The following KCTD1 variants were observed in gnomAD, a reference collection of about 807,000 sequenced individuals.
The protein encoded by KCTD1 is potassium channel tetramerization domain containing 1.
KCTD1 carries 24 observed loss-of-function variants against 66.0 expected under a neutral mutation model. The observed-to-expected ratio is 0.36, with a 90% CI of 0.26 to 0.51. KCTD1 has a LOEUF of 0.51. Among genes scored for constraint, KCTD1 ranks in the 20% least tolerant of loss-of-function variants. KCTD1 has a pLI of 0.95. For synonymous variants in KCTD1, 511 were observed against 517.2 expected, an observed-to-expected ratio of 0.99 and a Z score of 0.16; for missense variants, 943 against 1,205.2, an observed-to-expected ratio of 0.78 and a Z score of 3.22.
chr18:26,609,052 G>A (rs1987078066), intron 1 of KCTD1, among the ~76,000 whole-genome samples: 1 of 152,122 alleles, frequency 6.6e-6, no homozygotes, highest in African/African-American at 2.4e-5. Flanking sequence ...TGCAGAGGAC[G>A]ATGTCAAAAC....
intron 3 of KCTD1, among the ~76,000 whole-genome samples, chr18:26,469,940 C>CAAAT (rs1316086893): frequency 6.6e-6 from 1 of 151,572 alleles, no homozygotes; most frequent in African/African-American, 2.4e-5. Context: ...AACAAACAAA[C>CAAAT]AACAAACAAA....
chr18:26,610,883 T>C (rs76607345), intron 1 of KCTD1, among the ~76,000 whole-genome samples: 124 of 152,332 alleles, frequency 8.1e-4, no homozygotes, highest in African/African-American at 2.7e-3. Flanking sequence ...TTTTAAGATT[T>C]TCCTTGTATA....
intron 1 of KCTD1, among the ~76,000 whole-genome samples, chr18:26,563,458 C>T (rs559652812): frequency 3.5e-4 from 54 of 152,344 alleles, no homozygotes; most frequent in African/African-American, 1.1e-3. Flanking sequence ...TCTCATCCTA[C>T]CTTGACTCTT....
chr18:26,486,679 G>A (rs1981936385), intron 2 of KCTD1, among the ~76,000 whole-genome samples: 1 of 152,118 alleles, frequency 6.6e-6, no homozygotes, highest in African/African-American at 2.4e-5. Context: ...TCTCCAGGTG[G>A]CCCCGTCTCT....
chr18:26,628,601 C>G (rs540478), intron 1 of KCTD1, among the ~76,000 whole-genome samples: 1 of 151,892 alleles, frequency 6.6e-6, no homozygotes, highest in Admixed American at 6.6e-5. Flanking sequence ...TGAGTGATTT[C>G]TTAAGTGGTG....
At chr18:26,471,537 A>G (rs1226419500) in intron 3 of KCTD1, among the ~76,000 whole-genome samples, 2 of 152,078 alleles carry the variant, frequency 1.3e-5, no homozygotes, top group Admixed American at 1.3e-4. Context: ...GTTTTTAAAA[A>G]GTGTCACATG....
At chr18:26,654,526 C>T (rs1189748380) in intron 1 of KCTD1, among the ~76,000 whole-genome samples, 1 of 152,164 alleles carries the variant, frequency 6.6e-6, no homozygotes, top group Non-Finnish European at 1.5e-5. Flanking sequence ...ACACAAAAAT[C>T]TTACAGCTAG....
chr18:26,576,512 T>C (rs1206664021), intron 1 of KCTD1, among the ~76,000 whole-genome samples: 1 of 152,198 alleles, frequency 6.6e-6, no homozygotes, highest in Non-Finnish European at 1.5e-5. Flanking sequence ...AAGTTGCTTT[T>C]AAGCTTTCAA....
chr18:26,574,769 A>T (rs1409364356), intron 1 of KCTD1, among the ~76,000 whole-genome samples: 2 of 152,184 alleles, frequency 1.3e-5, no homozygotes, highest in Non-Finnish European at 2.9e-5. Flanking sequence ...TTTATGATAG[A>T]TAAAATGAAG....
chr18:26,472,825 C>T (rs527878634), intron 3 of KCTD1, among the ~76,000 whole-genome samples: 49 of 152,356 alleles, frequency 3.2e-4, no homozygotes, highest in African/African-American at 1.2e-3. Context: ...GGTTCTCTCC[C>T]TAGGTCTCTC....
At chr18:26,603,730 G>T (rs867940129) in intron 1 of KCTD1, among the ~76,000 whole-genome samples, 1 of 145,480 alleles carries the variant, frequency 6.9e-6, no homozygotes, top group Non-Finnish European at 1.5e-5. Flanking sequence ...ATGACAGAGT[G>T]AGACTGTGTC....
chr18:26,493,381 A>G (rs557327098), intron 2 of KCTD1, among the ~76,000 whole-genome samples: 9 of 150,160 alleles, frequency 6.0e-5, no homozygotes, highest in African/African-American at 2.2e-4. Flanking sequence ...TCTTGAAAAT[A>G]TAGATGAACA....
In KCTD1 at chr18:26,455,910, G is replaced by GT. The variant is rs1980059539; in HGVS notation, c.2440-10_2440-9insA. ...TGCAACCTCTCGAGGACCTGCGAGG[G>GT]AACAAGACAAGCATCCAGTTAGGGG... On this transcript the variant is annotated splice_polypyrimidine_tract_variant and intron_variant, in intron 4 of 4. Transcript: ENST00000580059. The GT allele has an allele frequency of 1.2e-6, 2 of 1,611,362 alleles. No homozygotes were observed. Among genetic ancestry groups the GT allele is most frequent in the Non-Finnish European group, 1.7e-6 (2 of 1,177,982 alleles).
At chr18:26,583,393 CAAAAAAAAAAAA>C (rs55720907) in intron 1 of KCTD1, among the ~76,000 whole-genome samples, 6 of 83,824 alleles carry the variant, frequency 7.2e-5, no homozygotes, top group African/African-American at 1.9e-4. Flanking sequence ...GACTTTGTCT[CAAAAAAAAAAAA>C]AAAAAAAAAA....
chr18:26,638,011 G>T (rs998091723), intron 1 of KCTD1, among the ~76,000 whole-genome samples: 8 of 152,162 alleles, frequency 5.3e-5, no homozygotes, highest in Admixed American at 2.0e-4. Context: ...TCACATCAAA[G>T]ACTTAAGGAA....
intron 1 of KCTD1, among the ~76,000 whole-genome samples, chr18:26,615,549 A>C (rs553595840): frequency 6.6e-6 from 1 of 152,302 alleles, no homozygotes; most frequent in South Asian, 2.1e-4. Context: ...TGGAACAGGA[A>C]ATATCAAAGA....
chr18:26,524,076 T>C (rs1426431598), intron 1 of KCTD1, among the ~76,000 whole-genome samples: 1 of 152,224 alleles, frequency 6.6e-6, no homozygotes, highest in Non-Finnish European at 1.5e-5. Flanking sequence ...TCTCAATTAT[T>C]ATCTTGGTAT....
At chr18:26,610,594 AAAGGAAGG>A (rs1235940822) in intron 1 of KCTD1, among the ~76,000 whole-genome samples, 1 of 147,692 alleles carries the variant, frequency 6.8e-6, no homozygotes, top group Non-Finnish European at 1.5e-5. Context: ...AGAGAGAAAG[AAAGGAAGG>A]AAGGAAGGAA....
At chr18:26,637,947 G>A (rs1021742576) in intron 1 of KCTD1, among the ~76,000 whole-genome samples, 4 of 152,194 alleles carry the variant, frequency 2.6e-5, no homozygotes, top group Non-Finnish European at 4.4e-5. Flanking sequence ...TTTTTGTAAC[G>A]TTAGACCGTC....
Sources: gnomAD v4.1 joint callset for allele counts (sites outside exome capture counted in the v4.1 genomes callset) on GRCh38, gnomAD v4.1.1 for gene constraint, MANE v1.5 for transcripts, NCBI Gene and HGNC (gene_info 2026-07-23, HGNC 2026-07-21) for gene names.